The following MRAP2 variants were observed in gnomAD, a reference collection of about 807,000 sequenced individuals.
MRAP2 encodes melanocortin-2 receptor accessory protein 2.
Under a neutral mutation model 17.4 loss-of-function variants are expected in MRAP2, and 20 were observed. The observed-to-expected ratio is 1.15, with a 90% CI of 0.81 to 1.67. The LOEUF is 1.67. Ranked by LOEUF, MRAP2 falls within the 40% of genes most tolerant of loss-of-function variation. The pLI is 0.00. For synonymous variants in MRAP2, 96 were observed against 88.4 expected (o/e 1.09, Z -0.48); for missense variants, 238 against 240.0 (o/e 0.99, Z 0.05).
chr6:84,095,453 C>T (rs551251997), downstream of MRAP2, among the ~76,000 whole-genome samples: 1 of 152,284 alleles, frequency 6.6e-6, no homozygotes, highest in East Asian at 1.9e-4. Flanking sequence ...GCATAAGTCA[C>T]TGGGGATTTT....
At chr6:84,065,763 G>A (rs1562882416) in intron 3 of MRAP2, among the ~76,000 whole-genome samples, 1 of 152,146 alleles carries the variant, frequency 6.6e-6, no homozygotes, top group Admixed American at 6.5e-5. Flanking sequence ...TCTTAGTTGA[G>A]CGTACCATTT....
At chr6:84,133,173 G>A in the MRAP2 span, among the ~76,000 whole-genome samples, 1 of 152,174 alleles carries the variant, frequency 6.6e-6, no homozygotes, top group Non-Finnish European at 1.5e-5. Context: ...CTGCAGAACA[G>A]CAAATATTGC....
chr6:84,037,160 T>C (rs1204686441), intron 1 of MRAP2, among the ~76,000 whole-genome samples: 5 of 148,588 alleles, frequency 3.4e-5, no homozygotes, highest in African/African-American at 1.3e-4. Flanking sequence ...AACCTTGAGC[T>C]AGACACAGAG....
chr6:84,131,305 GTGC>G, the MRAP2 span, among the ~76,000 whole-genome samples: 1 of 151,856 alleles, frequency 6.6e-6, no homozygotes, highest in Non-Finnish European at 1.5e-5. Flanking sequence ...TAAGTGTGAT[GTGC>G]TGAGAAGAAT....
At chr6:84,048,593 C>T (rs531504378) in intron 1 of MRAP2, among the ~76,000 whole-genome samples, 22 of 152,246 alleles carry the variant, frequency 1.4e-4, no homozygotes, top group African/African-American at 5.3e-4. Context: ...ATGGGGAACC[C>T]AACTCAACCA....
chr6:84,071,490 C>T (rs2099496166), intron 3 of MRAP2, among the ~76,000 whole-genome samples: 1 of 152,186 alleles, frequency 6.6e-6, no homozygotes, highest in Non-Finnish European at 1.5e-5. Flanking sequence ...TTACCTAATG[C>T]TTCTGTCTCA....
intron 3 of MRAP2, among the ~76,000 whole-genome samples, chr6:84,076,267 C>T (rs954592198): frequency 2.6e-5 from 4 of 151,224 alleles, no homozygotes; most frequent in African/African-American, 4.9e-5. Context: ...TCTGTCACCC[C>T]GGCTGAAGTG....
chr6:84,094,254 C>G (rs559568328), downstream of MRAP2, among the ~76,000 whole-genome samples: 31 of 152,246 alleles, frequency 2.0e-4, no homozygotes, highest in African/African-American at 7.5e-4. Context: ...CAAAGGTTGC[C>G]TAGTCACAGT....
intron 1 of MRAP2, chr6:84,045,441 T>A (rs750425725): frequency 2.1e-6 from 2 of 968,522 alleles, no homozygotes; most frequent in Non-Finnish European, 2.5e-6. Flanking sequence ...TCACCCTTCA[T>A]TGAAAATGAA....
intron 2 of MRAP2, chr6:84,062,033 A>T (rs2099493301): frequency 1.0e-6 from 1 of 985,360 alleles, no homozygotes; most frequent in Admixed American, 6.1e-5. Context: ...CTCTGCAAGA[A>T]GTAATGAGAG....
At chr6:84,037,702 C>A (rs1290501463) in intron 1 of MRAP2, among the ~76,000 whole-genome samples, 1 of 152,132 alleles carries the variant, frequency 6.6e-6, no homozygotes, top group East Asian at 1.9e-4. Flanking sequence ...GACCTGGCGC[C>A]CCCTCTGCAG....
chr6:84,033,251 G>A (rs1588611790), upstream of MRAP2, among the ~76,000 whole-genome samples: 1 of 152,212 alleles, frequency 6.6e-6, no homozygotes, highest in African/African-American at 2.4e-5. Flanking sequence ...GAAGAGATGA[G>A]CCAGCCCTGC....
chr6:84,099,716 G>T, the MRAP2 span, among the ~76,000 whole-genome samples: 1 of 152,182 alleles, frequency 6.6e-6, no homozygotes, highest in African/African-American at 2.4e-5. Flanking sequence ...CTGAGCAGAT[G>T]CTGGTGCCAC....
At chr6:84,033,939 C>T in intron 1 of MRAP2, 56 bp downstream of exon 1, 9 of 982,726 alleles carry the variant, frequency 9.2e-6, no homozygotes, top group Non-Finnish European at 1.1e-5. Flanking sequence ...GCGCTGGGTG[C>T]GGGGCGCGTG....
the MRAP2 span, among the ~76,000 whole-genome samples, chr6:84,112,981 T>C: frequency 3.3e-5 from 5 of 152,052 alleles, no homozygotes; most frequent in African/African-American, 1.2e-4. Flanking sequence ...TGATTTCTGT[T>C]TTTTGCATTT....
At position 84,033,859 on chromosome 6, in the gene MRAP2, C is replaced by G; in HGVS notation, c.-32C>G. 2 of 986,836 alleles carry G rather than the reference C, an allele frequency of 2.0e-6. No individual in the cohort carries two copies. The highest frequency in any genetic ancestry group is 9.0e-5 in the South Asian group (2 of 22,108). The allele number at this position is 986,836 out of a possible 1,614,324, so 61.1% of individuals were successfully genotyped here. ...GCCAGGAGCCGGAACCAGGGCCGAG[C>G]CCGCGGGCCGGGGCTAGCCAGCCGG... On this transcript the variant is annotated 5_prime_UTR_variant, in exon 1 of 4. Transcript: ENST00000257776.
the MRAP2 span, among the ~76,000 whole-genome samples, chr6:84,133,866 A>G: frequency 6.6e-6 from 1 of 152,096 alleles, no homozygotes; most frequent in Non-Finnish European, 1.5e-5. Flanking sequence ...GGCTGTACCC[A>G]CTGTCCAACA....
At chr6:84,082,987 C>T (rs1346267951) in intron 3 of MRAP2, among the ~76,000 whole-genome samples, 1 of 152,048 alleles carries the variant, frequency 6.6e-6, no homozygotes, top group African/African-American at 2.4e-5. Context: ...TACGTGCCCA[C>T]CTTATCTAAA....
At position 84,089,585 on chromosome 6, in the gene MRAP2, CATAGAG is replaced by C. The variant is rs568347583; in HGVS notation, c.*112_*117del. The C allele has an allele frequency of 1.1e-5, 14 of 1,306,982 alleles. No homozygotes were observed. The highest frequency in any genetic ancestry group is 1.4e-5 in the Non-Finnish European group (13 of 945,916). 81.0% of individuals were successfully genotyped at this position (1,306,982 alleles called of 1,614,324 possible). A position where few individuals can be genotyped will look rare whatever the true frequency, so the allele number is the denominator to read the frequency against. On this transcript the variant is annotated 3_prime_UTR_variant, in exon 4 of 4. Transcript: ENST00000257776. ...TGTGTGTGTTTGGGGGAGAGAGAGA[CATAGAG>C]ATAGAGACAGAGAGGCAGAGAAGAG... is the stretch of plus-strand genomic sequence containing the variant.
Sources: allele counts gnomAD v4.1 joint callset (sites outside exome capture counted in the v4.1 genomes callset), GRCh38; gene constraint gnomAD v4.1.1; transcripts MANE v1.5; gene names NCBI Gene and HGNC (gene_info 2026-07-23, HGNC 2026-07-21).